Variants in IL1RAP observed in about 807,000 individuals in gnomAD.
IL1RAP encodes the protein interleukin 1 receptor accessory protein.
Under a neutral mutation model 60.7 loss-of-function variants are expected in IL1RAP, and 35 were observed. The ratio of observed to expected loss-of-function variants is 0.58; its 90% CI spans 0.44 to 0.76. The LOEUF is 0.76. Among genes scored for constraint, IL1RAP ranks in the 30% least tolerant of loss-of-function variants. The pLI is 0.00. For missense variants in IL1RAP, 572 were observed against 693.9 expected (o/e 0.82, Z 1.97); for synonymous variants, 268 against 250.9 (o/e 1.07, Z -0.64).
intron 5 of IL1RAP, chr3:190,615,423 C>T (rs1015366553): frequency 5.1e-5 from 29 of 566,808 alleles, no homozygotes; most frequent in Non-Finnish European, 7.1e-5. Context: ...GCAGGCCATC[C>T]TAACTTTCAT....
chr3:190,613,983 CA>C (rs1405422186), intron 5 of IL1RAP, among the ~76,000 whole-genome samples: 2 of 152,002 alleles, frequency 1.3e-5, no homozygotes, highest in East Asian at 1.9e-4. Flanking sequence ...GGAAACAAAA[CA>C]AAGGTTCTTG....
chr3:190,615,282 C>G, intron 5 of IL1RAP: 1 of 1,255,618 alleles, frequency 8.0e-7, no homozygotes, highest in Non-Finnish European at 1.0e-6. Context: ...CTGAAATATA[C>G]CATGTGTATA....
chr3:190,577,830 C>A (rs1727631846), intron 3 of IL1RAP, among the ~76,000 whole-genome samples: 1 of 152,090 alleles, frequency 6.6e-6, no homozygotes, highest in Non-Finnish European at 1.5e-5. Context: ...CAGGTGTGAG[C>A]CACCATGTCC....
intron 1 of IL1RAP, among the ~76,000 whole-genome samples, chr3:190,548,465 A>G (rs920453408): frequency 6.6e-6 from 1 of 152,216 alleles, no homozygotes; most frequent in Non-Finnish European, 1.5e-5. Context: ...AAAGTAATCA[A>G]CAGCAAACTA....
At chr3:190,654,540 T>C (rs893141265), downstream of IL1RAP, among the ~76,000 whole-genome samples, 1 of 152,172 alleles carries the variant, frequency 6.6e-6, no homozygotes, top group African/African-American at 2.4e-5. Context: ...CAATCAAAAG[T>C]TCTCAAAACT....
At chr3:190,597,724 G>A (rs923527482) in intron 3 of IL1RAP, among the ~76,000 whole-genome samples, 9 of 152,118 alleles carry the variant, frequency 5.9e-5, no homozygotes, top group East Asian at 1.9e-4. Context: ...GTCTGTTCTC[G>A]TGATCACTAA....
chr3:190,651,036 G>T lies in IL1RAP; in HGVS notation c.*2331G>T, dbSNP rs777699859. The T allele has an allele frequency of 2.2e-5, 22 of 983,794 alleles. No homozygotes were observed. The highest frequency in any genetic ancestry group is 2.5e-5 in the Non-Finnish European group (21 of 828,776). The allele number at this position is 983,794 out of a possible 1,614,324, so 60.9% of individuals were successfully genotyped here. Reference sequence around the variant, plus strand: ...GTAATATAAAGCATATCAAGTTTATGTGATACGTATCATTGCAAGAGAATT... The same window carrying T: ...GTAATATAAAGCATATCAAGTTTATTTGATACGTATCATTGCAAGAGAATT... On this transcript the variant is annotated 3_prime_UTR_variant, in exon 12 of 12. Coordinates refer to ENST00000447382, the MANE Select transcript of IL1RAP (RefSeq NM_002182.4).
intron 3 of IL1RAP, among the ~76,000 whole-genome samples, chr3:190,577,308 G>A (rs1379297625): frequency 6.6e-6 from 1 of 152,086 alleles, no homozygotes; most frequent in Non-Finnish European, 1.5e-5. Context: ...TGTGGCAGTT[G>A]TTTGCCGGAG....
chr3:190,547,035 A>G (rs1188238726), intron 1 of IL1RAP, among the ~76,000 whole-genome samples: 2 of 152,168 alleles, frequency 1.3e-5, no homozygotes, highest in African/African-American at 4.8e-5. Context: ...TCACATAAGC[A>G]CTGCTTGAGC....
intron 2 of IL1RAP, among the ~76,000 whole-genome samples, chr3:190,561,838 A>G (rs1300159240): frequency 6.6e-6 from 1 of 152,214 alleles, no homozygotes; most frequent in East Asian, 1.9e-4. Context: ...GGAAGATAGC[A>G]ATTATTGTGA....
At chr3:190,655,024 A>C (rs907990559), downstream of IL1RAP, among the ~76,000 whole-genome samples, 2 of 152,110 alleles carry the variant, frequency 1.3e-5, no homozygotes, top group African/African-American at 4.8e-5. Context: ...AATTCTTCAC[A>C]CACAGACGCA....
chr3:190,634,738 A>C (rs6787861), intron 9 of IL1RAP, among the ~76,000 whole-genome samples: 125,307 of 140,318 alleles, frequency 0.89, 56,134 homozygotes, highest in East Asian at 0.99. Flanking sequence ...TTTTTTGAGA[A>C]GGAGTCTCGC....
At chr3:190,641,743 T>G (rs1377724659) in intron 9 of IL1RAP, among the ~76,000 whole-genome samples, 4 of 152,128 alleles carry the variant, frequency 2.6e-5, no homozygotes, top group African/African-American at 9.7e-5. Context: ...CATTACAAAA[T>G]GTTCATCCAG....
chr3:190,537,952 G>T (rs1453271983), intron 1 of IL1RAP, among the ~76,000 whole-genome samples: 1 of 151,838 alleles, frequency 6.6e-6, no homozygotes, highest in African/African-American at 2.4e-5. Context: ...TCTGTTTTGA[G>T]AACTTTACTC....
At chr3:190,592,864 C>G (rs1729060622) in intron 3 of IL1RAP, among the ~76,000 whole-genome samples, 1 of 152,042 alleles carries the variant, frequency 6.6e-6, no homozygotes, top group African/African-American at 2.4e-5. Flanking sequence ...TTCCTTTGTT[C>G]AGGTTTACTT....
At chr3:190,554,761 G>T (rs1278512190) in intron 1 of IL1RAP, 1 of 149,168 alleles carries the variant, frequency 6.7e-6, no homozygotes, top group Non-Finnish European at 1.5e-5. Context: ...GTGTGTGTGT[G>T]TGTCTCTAAC....
chr3:190,563,927 A>G (rs74728162), intron 2 of IL1RAP: 1 of 182,116 alleles, frequency 5.5e-6, no homozygotes, highest in Non-Finnish European at 1.2e-5. Context: ...TTCAGTGAAA[A>G]AGAGAGTTGT....
exon 12 of IL1RAP, chr3:190,658,180 A>G (rs1734677414): frequency 6.6e-6 from 1 of 152,136 alleles, no homozygotes. Flanking sequence ...ATTTTTATGT[A>G]TAATGTCAAT....
chr3:190,644,864 C>G (rs1270921676), intron 10 of IL1RAP, among the ~76,000 whole-genome samples: 3 of 152,128 alleles, frequency 2.0e-5, no homozygotes, highest in Non-Finnish European at 2.9e-5. Flanking sequence ...TCAAACCAGC[C>G]ACATTTCGAG....
Sources: allele counts gnomAD v4.1 joint callset (sites outside exome capture counted in the v4.1 genomes callset), GRCh38; gene constraint gnomAD v4.1.1; transcripts MANE v1.5; gene names NCBI Gene and HGNC (gene_info 2026-07-23, HGNC 2026-07-21).